DMRT1: variants seen among roughly 807,000 people sequenced by gnomAD.
The protein encoded by DMRT1 is doublesex- and mab-3-related transcription factor 1.
In DMRT1, 7 loss-of-function variants were observed where a neutral mutation model predicts 32.3. That is an observed-to-expected ratio of 0.22 (90% CI 0.12 to 0.41). DMRT1 has a LOEUF of 0.41. DMRT1 is among the 10% of genes least tolerant of loss of function. The pLI is 1.00. For missense variants in DMRT1, 625 were observed against 500.5 expected, an observed-to-expected ratio of 1.25 and a Z score of -2.37; for synonymous variants, 278 against 206.1, an observed-to-expected ratio of 1.35 and a Z score of -2.99.
In DMRT1 at chr9:842,033, C is replaced by T; in HGVS notation, c.195C>T (p.Ala65=). The T allele has an allele frequency of 6.5e-7, 1 of 1,547,492 alleles. No homozygotes were observed. ...GCTCCGGGGCGTCGGACCTGGGTGC[C>T]GGGAGCAAGAAGTCCCCGCGGCTGC... ...GSGSGASDLG[A]GSKKSPRLPK... is the part of the protein sequence containing the mutation. Residue 65 remains alanine, a synonymous_variant, in exon 1 of 5, where the codon GCC becomes GCT. Coordinates refer to ENST00000382276, the MANE Select transcript of DMRT1 (RefSeq NM_021951.3).
At chr9:879,497 T>C (rs1024300357) in intron 2 of DMRT1, among the ~76,000 whole-genome samples, 3 of 152,222 alleles carry the variant, frequency 2.0e-5, no homozygotes, top group African/African-American at 2.4e-5. Flanking sequence ...TAGGCTGTTG[T>C]TCTAATGGAA....
intron 2 of DMRT1, among the ~76,000 whole-genome samples, chr9:851,322 T>C (rs577062749): frequency 6.6e-6 from 1 of 152,088 alleles, no homozygotes; most frequent in African/African-American, 2.4e-5. Context: ...CACTGCAACC[T>C]CCACCTCCCG....
chr9:932,012 G>C (rs1184222653), intron 4 of DMRT1, among the ~76,000 whole-genome samples: 1 of 152,042 alleles, frequency 6.6e-6, no homozygotes, highest in East Asian at 1.9e-4. Context: ...CTCCAACACA[G>C]AGACCCCAGC....
intron 3 of DMRT1, among the ~76,000 whole-genome samples, chr9:901,539 C>T (rs986215928): frequency 6.6e-6 from 1 of 151,526 alleles, no homozygotes; most frequent in Non-Finnish European, 1.5e-5. Flanking sequence ...GTTGGCCAGG[C>T]TGGTCTTGAG....
chr9:854,389 T>G (rs565600300), intron 2 of DMRT1, among the ~76,000 whole-genome samples: 2 of 152,090 alleles, frequency 1.3e-5, no homozygotes, highest in Admixed American at 1.3e-4. Context: ...GATCAAGTGA[T>G]TCTCGTGCCT....
At chr9:940,755 A>G (rs929052852) in intron 4 of DMRT1, among the ~76,000 whole-genome samples, 1 of 152,200 alleles carries the variant, frequency 6.6e-6, no homozygotes, top group Non-Finnish European at 1.5e-5. Context: ...AAGAGGCACA[A>G]CCTTCAGAAT....
chr9:874,379 A>G (rs1266964117), intron 2 of DMRT1, among the ~76,000 whole-genome samples: 1 of 152,152 alleles, frequency 6.6e-6, no homozygotes, highest in Non-Finnish European at 1.5e-5. Context: ...TTGTATCTAG[A>G]TCTAGTTCTT....
chr9:896,912 C>T (rs61261704), intron 3 of DMRT1, among the ~76,000 whole-genome samples: 12,699 of 151,976 alleles, frequency 0.084, 811 homozygotes, highest in African/African-American at 0.16. Flanking sequence ...CTGCCTTTTT[C>T]AGGTATTAAA....
chr9:861,779 A>C (rs1564203823), intron 2 of DMRT1, among the ~76,000 whole-genome samples: 1 of 137,202 alleles, frequency 7.3e-6, no homozygotes, highest in Non-Finnish European at 1.5e-5. Context: ...GATGCTCCCC[A>C]CTTCCCAGAC....
intron 2 of DMRT1, among the ~76,000 whole-genome samples, chr9:861,829 G>T (rs141083690): frequency 0.015 from 2,164 of 145,964 alleles, 69 homozygotes; most frequent in African/African-American, 0.052. Flanking sequence ...TTCAGACGGG[G>T]CGGCCGGTCA....
intron 4 of DMRT1, among the ~76,000 whole-genome samples, chr9:943,815 G>T (rs1819155462): frequency 6.6e-6 from 1 of 152,214 alleles, no homozygotes; most frequent in African/African-American, 2.4e-5. Flanking sequence ...CAATGGGAAA[G>T]AAGTTATTTT....
At chr9:904,242 T>C (rs546561591) in intron 3 of DMRT1, among the ~76,000 whole-genome samples, 6 of 152,358 alleles carry the variant, frequency 3.9e-5, no homozygotes, top group African/African-American at 1.4e-4. Flanking sequence ...CAAAATCTTA[T>C]CCATTTATGT....
Position 841,876 on chromosome 9 carries a change from C to T in DMRT1, c.38C>T (p.Pro13Leu), listed in dbSNP as rs1187963736. 1.2e-6 allele frequency: 2 copies of T among 1,612,432 alleles called. No individual in the cohort carries two copies. Among genetic ancestry groups the T allele is most frequent in the African/African-American group, 1.3e-5 (1 of 74,908 alleles). ...GAGGCATTCAGCAAGCCCTCTACAC[C>T]GTCGGAAGCCCCTCACGCCCCCGGG... ...NDEAFSKPSTPSEAPHAPGVP... is the reference protein window; with the variant it reads ...NDEAFSKPSTLSEAPHAPGVP... The change falls in exon 1 of 5, where the codon CCG becomes CTG. Residue 13 changes from proline to leucine, a missense_variant. This residue lies in a region of DMRT1 where 201 missense variants were observed against 152.0 expected (regional missense o/e 1.32). Coordinates refer to ENST00000382276, the MANE Select transcript of DMRT1 (RefSeq NM_021951.3).
intron 3 of DMRT1, among the ~76,000 whole-genome samples, chr9:912,102 CAGGCACCTTCTCTTCTTCACA>C (rs1818011249): frequency 6.6e-6 from 1 of 152,214 alleles, no homozygotes; most frequent in Non-Finnish European, 1.5e-5. Context: ...GAAGAAGAAG[CAGGCACCTTCTCTTCTTCACA>C]AGGCAGCAGG....
chr9:873,902 C>G (rs1471205545), intron 2 of DMRT1, among the ~76,000 whole-genome samples: 1 of 152,086 alleles, frequency 6.6e-6, no homozygotes, highest in Non-Finnish European at 1.5e-5. Context: ...GTACTCCCCC[C>G]AAAATTCAAT....
At chr9:934,162 A>T (rs943359521) in intron 4 of DMRT1, among the ~76,000 whole-genome samples, 1 of 152,210 alleles carries the variant, frequency 6.6e-6, no homozygotes, top group African/African-American at 2.4e-5. Flanking sequence ...CTTGGCAAGG[A>T]TGCTTTCATT....
At chr9:853,310 G>C (rs1213952227) in intron 2 of DMRT1, among the ~76,000 whole-genome samples, 1 of 152,018 alleles carries the variant, frequency 6.6e-6, no homozygotes, top group Non-Finnish European at 1.5e-5. Flanking sequence ...ACTTTTTAAT[G>C]GGTTTGGACA....
At chr9:944,331 G>A (rs1412840773) in intron 4 of DMRT1, among the ~76,000 whole-genome samples, 1 of 152,132 alleles carries the variant, frequency 6.6e-6, no homozygotes, top group African/African-American at 2.4e-5. Context: ...ACAGTCAAGA[G>A]TAATTCCAGG....
intron 4 of DMRT1, among the ~76,000 whole-genome samples, chr9:943,980 G>C (rs1463715262): frequency 6.6e-6 from 1 of 152,176 alleles, no homozygotes; most frequent in Non-Finnish European, 1.5e-5. Context: ...CATAATGGTT[G>C]AGAGTACTGT....
Sources: gnomAD v4.1 joint callset for allele counts (sites outside exome capture counted in the v4.1 genomes callset) on GRCh38, gnomAD v4.1.1 for gene constraint, gnomAD v4.1.1 regional missense constraint, MANE v1.5 for transcripts, NCBI Gene and HGNC (gene_info 2026-07-23, HGNC 2026-07-21) for gene names.